PPP2R2B: variants seen among roughly 807,000 people sequenced by gnomAD.
PPP2R2B encodes the protein protein phosphatase 2 regulatory subunit Bbeta, also known as serine/threonine-protein phosphatase 2A 55 kDa regulatory subunit B beta isoform.
Under a neutral mutation model 46.0 loss-of-function variants are expected in PPP2R2B, and 5 were observed. The observed-to-expected ratio is 0.11, with a 90% CI of 0.06 to 0.23. The LOEUF is 0.23. Among genes scored for constraint, PPP2R2B ranks in the 10% least tolerant of loss-of-function variants. The pLI, the probability that PPP2R2B is intolerant of heterozygous loss-of-function variation, is 1.00. For synonymous variants in PPP2R2B, 215 were observed against 206.7 expected (o/e 1.04, Z -0.34); for missense variants, 367 against 575.0 (o/e 0.64, Z 3.70).
chr5:147,041,397 A>G (rs1023604120), intron 1 of PPP2R2B, among the ~76,000 whole-genome samples: 5 of 152,124 alleles, frequency 3.3e-5, no homozygotes, highest in Non-Finnish European at 7.4e-5. Flanking sequence ...TTCTGCAGCT[A>G]TGCTCTCTCC....
chr5:147,063,674 T>C, intron 2 of PPP2R2B, among the ~76,000 whole-genome samples: 1 of 152,158 alleles, frequency 6.6e-6, no homozygotes, highest in Non-Finnish European at 1.5e-5. Flanking sequence ...GAGGAACCAA[T>C]ATTCTGATAT....
At chr5:146,985,290 A>G (rs1753375285) in intron 1 of PPP2R2B, among the ~76,000 whole-genome samples, 1 of 152,064 alleles carries the variant, frequency 6.6e-6, no homozygotes, top group Non-Finnish European at 1.5e-5. Context: ...AAGTGCTGAG[A>G]TTACAGGCGT....
chr5:146,900,950 A>G (rs1437021260), intron 1 of PPP2R2B, among the ~76,000 whole-genome samples: 4 of 152,148 alleles, frequency 2.6e-5, no homozygotes, highest in Non-Finnish European at 5.9e-5. Flanking sequence ...TCCCCCTGCA[A>G]AGGACATGAT....
intron 2 of PPP2R2B, among the ~76,000 whole-genome samples, chr5:146,735,679 TAG>T (rs1247923709): frequency 6.6e-6 from 1 of 152,012 alleles, no homozygotes; most frequent in African/African-American, 2.4e-5. Flanking sequence ...GGCCTGAGGG[TAG>T]AGTCAACGCT....
chr5:146,777,878 T>C (rs1755282640), intron 2 of PPP2R2B, among the ~76,000 whole-genome samples: 1 of 152,200 alleles, frequency 6.6e-6, no homozygotes, highest in Admixed American at 6.5e-5. Flanking sequence ...TGTCTATAAA[T>C]GTTTAAAAAG....
chr5:146,901,749 G>A (rs1183353923), intron 1 of PPP2R2B, among the ~76,000 whole-genome samples: 1 of 152,082 alleles, frequency 6.6e-6, no homozygotes, highest in African/African-American at 2.4e-5. Flanking sequence ...GAGTGGTCAG[G>A]AAAATACTTT....
chr5:146,745,160 C>CAGAG (rs747573157), intron 2 of PPP2R2B, among the ~76,000 whole-genome samples: 4,301 of 94,788 alleles, frequency 0.045, 99 homozygotes, highest in African/African-American at 0.07. Flanking sequence ...CAGAGAAAGA[C>CAGAG]AGAGAGAGAG....
chr5:146,964,337 T>C (rs1425367213), intron 1 of PPP2R2B, among the ~76,000 whole-genome samples: 1 of 152,222 alleles, frequency 6.6e-6, no homozygotes, highest in Non-Finnish European at 1.5e-5. Context: ...AATACTCTAA[T>C]TCCCTTTTGG....
chr5:146,598,800 T>C (rs1193490807), intron 8 of PPP2R2B, among the ~76,000 whole-genome samples: 1 of 152,180 alleles, frequency 6.6e-6, no homozygotes, highest in African/African-American at 2.4e-5. Flanking sequence ...CTTGCCAGAA[T>C]GTTATAACTA....
intron 2 of PPP2R2B, among the ~76,000 whole-genome samples, chr5:146,831,978 T>C (rs1387210802): frequency 6.6e-6 from 1 of 152,142 alleles, no homozygotes; most frequent in African/African-American, 2.4e-5. Flanking sequence ...TAAGGTAACA[T>C]GTGTTCTTTT....
chr5:146,982,281 T>C (rs1272600848), intron 1 of PPP2R2B, among the ~76,000 whole-genome samples: 1 of 152,218 alleles, frequency 6.6e-6, no homozygotes, highest in Non-Finnish European at 1.5e-5. Context: ...TCATTCCATT[T>C]CATATATTTA....
At chr5:147,049,803 G>T (rs1756716090) in intron 1 of PPP2R2B, among the ~76,000 whole-genome samples, 1 of 152,192 alleles carries the variant, frequency 6.6e-6, no homozygotes, top group African/African-American at 2.4e-5. Context: ...GGTGGTCATT[G>T]TTGACTCTCA....
At chr5:146,729,835 T>C (rs1017976922) in intron 2 of PPP2R2B, among the ~76,000 whole-genome samples, 2 of 152,176 alleles carry the variant, frequency 1.3e-5, no homozygotes, top group Non-Finnish European at 2.9e-5. Context: ...CAGGCAAAAG[T>C]TTGCTGCAGG....
At chr5:146,796,534 G>C (rs1019969201) in intron 2 of PPP2R2B, among the ~76,000 whole-genome samples, 5 of 152,126 alleles carry the variant, frequency 3.3e-5, no homozygotes, top group African/African-American at 1.2e-4. Flanking sequence ...GGAAAGGTAA[G>C]GCAAATAAGG....
At chr5:146,874,643 T>C (rs1439010943) in intron 2 of PPP2R2B, among the ~76,000 whole-genome samples, 2 of 152,172 alleles carry the variant, frequency 1.3e-5, no homozygotes, top group Non-Finnish European at 1.5e-5. Flanking sequence ...ATGTAGAATA[T>C]TTGGTCTATC....
chr5:146,964,253 G>T (rs773867963), intron 1 of PPP2R2B, among the ~76,000 whole-genome samples: 2 of 152,282 alleles, frequency 1.3e-5, no homozygotes, highest in East Asian at 3.9e-4. Context: ...TGTTGTGTGA[G>T]CTGTTCATAG....
chr5:146,769,969 C>T (rs924417168), intron 2 of PPP2R2B, among the ~76,000 whole-genome samples: 3 of 151,948 alleles, frequency 2.0e-5, no homozygotes, highest in African/African-American at 4.8e-5. Context: ...ACAGATTTAT[C>T]AAAACGATGT....
At chr5:146,681,173 C>T (rs1778145412) in intron 5 of PPP2R2B, among the ~76,000 whole-genome samples, 1 of 152,142 alleles carries the variant, frequency 6.6e-6, no homozygotes, top group South Asian at 2.1e-4. Context: ...CTACAAAAAT[C>T]CTAATGCATA....
chr5:146,645,830 G>A (rs1775545512), intron 6 of PPP2R2B, among the ~76,000 whole-genome samples: 1 of 152,076 alleles, frequency 6.6e-6, no homozygotes, highest in South Asian at 2.1e-4. Context: ...ACCCTTCCCA[G>A]CCTTGCTTAC....
Sources: gnomAD v4.1 joint callset for allele counts (sites outside exome capture counted in the v4.1 genomes callset) on GRCh38, gnomAD v4.1.1 for gene constraint, MANE v1.5 for transcripts, NCBI Gene and HGNC (gene_info 2026-07-23, HGNC 2026-07-21) for gene names.